Variants in COL5A2 observed in about 807,000 individuals in gnomAD.
COL5A2 encodes the protein collagen alpha-2(V) chain.
In COL5A2, 23 loss-of-function variants were observed where a neutral mutation model predicts 208.2. The observed-to-expected ratio is 0.11, with a 90% CI of 0.08 to 0.16. The LOEUF is 0.16. Among genes scored for constraint, COL5A2 ranks in the 10% least tolerant of loss-of-function variants. COL5A2 has a pLI of 1.00. For missense variants in COL5A2, 1,590 were observed against 1,956.4 expected (o/e 0.81, Z 3.53); for synonymous variants, 625 against 628.5 (o/e 0.99, Z 0.08).
chr2:189,121,520 C>T (rs1038612360), intron 1 of COL5A2, among the ~76,000 whole-genome samples: 3 of 151,952 alleles, frequency 2.0e-5, no homozygotes, highest in African/African-American at 2.4e-5. Flanking sequence ...GGGGCTCTTG[C>T]GGTGGTGCGG....
chr2:189,372,696 C>T, the COL5A2 span, among the ~76,000 whole-genome samples: 1 of 152,024 alleles, frequency 6.6e-6, no homozygotes, highest in Admixed American at 6.5e-5. Flanking sequence ...AAGGATTTTA[C>T]AAACAGCATA....
At chr2:189,151,163 C>T (rs1016676484) in intron 1 of COL5A2, among the ~76,000 whole-genome samples, 4 of 152,050 alleles carry the variant, frequency 2.6e-5, no homozygotes, top group African/African-American at 9.7e-5. Context: ...CATTTTAAGA[C>T]ACACTAACCC....
intron 1 of COL5A2, among the ~76,000 whole-genome samples, chr2:189,143,424 A>G (rs1291143973): frequency 6.6e-6 from 1 of 152,172 alleles, no homozygotes; most frequent in East Asian, 1.9e-4. Flanking sequence ...AAAGGTGTAT[A>G]AAGGCCTACT....
the COL5A2 span, among the ~76,000 whole-genome samples, chr2:189,277,257 A>G: frequency 5.3e-5 from 8 of 152,144 alleles, no homozygotes; most frequent in Admixed American, 2.0e-4. Context: ...CTCTGACCAT[A>G]GGTCTTTTAA....
chr2:189,133,598 C>T (rs1404814557), intron 1 of COL5A2, among the ~76,000 whole-genome samples: 1 of 152,114 alleles, frequency 6.6e-6, no homozygotes, highest in Non-Finnish European at 1.5e-5. Context: ...AAAAGGAAGA[C>T]TGAATCTTCT....
the COL5A2 span, among the ~76,000 whole-genome samples, chr2:189,308,780 C>T: frequency 6.6e-6 from 1 of 152,130 alleles, no homozygotes; most frequent in East Asian, 1.9e-4. Context: ...AGAGAGAGGG[C>T]TTCAAGTTGT....
chr2:189,289,937 T>C, the COL5A2 span, among the ~76,000 whole-genome samples: 5 of 152,184 alleles, frequency 3.3e-5, no homozygotes, highest in Admixed American at 6.5e-5. Flanking sequence ...ACGCAATCCC[T>C]ATCAAAAGTT....
At chr2:189,302,357 C>T in the COL5A2 span, among the ~76,000 whole-genome samples, 2 of 152,118 alleles carry the variant, frequency 1.3e-5, no homozygotes, top group African/African-American at 4.8e-5. Flanking sequence ...TATGAGAAGC[C>T]TGAGCTTAAG....
At chr2:189,093,862 A>G (rs558081035) in intron 6 of COL5A2, among the ~76,000 whole-genome samples, 24 of 152,334 alleles carry the variant, frequency 1.6e-4, no homozygotes, top group Non-Finnish European at 2.5e-4. Flanking sequence ...CACAGACAAA[A>G]TAATAGTCTG....
Position 189,110,422 on chromosome 2 carries a change from G to T in COL5A2, c.125C>A (p.Thr42Asn). 1 of 1,614,008 alleles carries T rather than the reference G, an allele frequency of 6.2e-7. No individual in the cohort carries two copies. The highest frequency in any genetic ancestry group is 8.5e-7 in the Non-Finnish European group (1 of 1,179,886). Reference protein sequence around the residue: ...DEGYGEEIACTQNGQMYLNRD... With the variant: ...DEGYGEEIACNQNGQMYLNRD... The stretch of plus-strand genomic sequence containing the variant: ...GTTTAAGTACATCTGGCCATTCTGA[G>T]TGCAGGCTATTTCTTCACCATATCC... The change falls in exon 2 of 54, where the codon ACT becomes AAT. Residue 42 changes from threonine to asparagine, a missense_variant. By Grantham distance (65) the Thr-to-Asn change is moderately conservative. Transcript: ENST00000374866.
chr2:189,069,670 T>C (rs191963156), intron 18 of COL5A2, among the ~76,000 whole-genome samples: 20 of 152,328 alleles, frequency 1.3e-4, no homozygotes, highest in African/African-American at 3.8e-4. Context: ...GATTAGACAA[T>C]AGTTTTCCAA....
intron 1 of COL5A2, among the ~76,000 whole-genome samples, chr2:189,155,010 C>T (rs1316308390): frequency 6.6e-6 from 1 of 152,034 alleles, no homozygotes; most frequent in Non-Finnish European, 1.5e-5. Context: ...GAGAGGGTCT[C>T]ACTCTAATGT....
the COL5A2 span, among the ~76,000 whole-genome samples, chr2:189,274,062 A>C: frequency 6.6e-6 from 1 of 152,160 alleles, no homozygotes; most frequent in Admixed American, 6.6e-5. Flanking sequence ...AGCTTGATTT[A>C]GCTGTTCTAC....
At chr2:189,049,057 A>G (rs1183101706) in intron 44 of COL5A2, among the ~76,000 whole-genome samples, 2 of 152,118 alleles carry the variant, frequency 1.3e-5, no homozygotes, top group Non-Finnish European at 2.9e-5. Context: ...GGGAAAGATG[A>G]ATGGATGTGT....
chr2:189,283,756 T>C, the COL5A2 span, among the ~76,000 whole-genome samples: 1 of 152,022 alleles, frequency 6.6e-6, no homozygotes, highest in Non-Finnish European at 1.5e-5. Flanking sequence ...TAGAGGAAAT[T>C]AGGTGTGGGA....
intron 21 of COL5A2, among the ~76,000 whole-genome samples, chr2:189,067,513 G>T (rs1429468362): frequency 1.3e-5 from 2 of 152,004 alleles, no homozygotes; most frequent in South Asian, 2.1e-4. Context: ...GTGTTTATTT[G>T]TTATGGGTTC....
Position 189,088,086 on chromosome 2 carries a change from T to C in COL5A2, c.645+609A>G, listed in dbSNP as rs537231581. Among the ~76,000 whole-genome samples the C allele has an allele frequency of 1.1e-4, 16 of 152,330 alleles. No individual in the cohort carries two copies. The East Asian group carries it at 2.9e-3, about 28-fold the overall frequency. ...ATTAACCTGGAATTATTTTGAACTA[T>C]GCTATGAGCAATAAAACATGGGAGA... On this transcript the variant is annotated intron_variant, in intron 8 of 53. Coordinates refer to ENST00000374866, the MANE Select transcript of COL5A2 (RefSeq NM_000393.5).
At chr2:189,427,249 T>C in the COL5A2 span, among the ~76,000 whole-genome samples, 5 of 152,358 alleles carry the variant, frequency 3.3e-5, no homozygotes, top group East Asian at 5.8e-4. Flanking sequence ...CACCTCAGGC[T>C]ATTGCTTCAG....
the COL5A2 span, among the ~76,000 whole-genome samples, chr2:189,327,547 T>C: frequency 1.8e-4 from 27 of 152,266 alleles, no homozygotes; most frequent in African/African-American, 6.3e-4. Flanking sequence ...TAAAGAGATA[T>C]GTGCGAAATC....
Sources: gnomAD v4.1 joint callset for allele counts (sites outside exome capture counted in the v4.1 genomes callset) on GRCh38, gnomAD v4.1.1 for gene constraint, MANE v1.5 for transcripts, NCBI Gene and HGNC (gene_info 2026-07-23, HGNC 2026-07-21) for gene names.